The following MYH15 variants were observed in gnomAD, a reference collection of about 807,000 sequenced individuals.
MYH15 encodes the protein myosin heavy chain 15.
MYH15 carries 227 observed loss-of-function variants against 240.5 expected under a neutral mutation model. The observed-to-expected ratio is 0.94, with a 90% CI of 0.85 to 1.05. MYH15 has a LOEUF of 1.05. Among genes scored for constraint, MYH15 ranks in the 50% least tolerant of loss-of-function variants. The pLI, the probability that MYH15 is intolerant of heterozygous loss-of-function variation, is 0.00. For missense variants in MYH15, 2,217 were observed against 2,247.5 expected (o/e 0.99, Z 0.27); for synonymous variants, 785 against 796.7 (o/e 0.99, Z 0.25).
At chr3:108,474,375 A>G (rs996795825) in intron 12 of MYH15, among the ~76,000 whole-genome samples, 5 of 151,870 alleles carry the variant, frequency 3.3e-5, no homozygotes, top group Admixed American at 6.6e-5. Flanking sequence ...AGTCCTTACT[A>G]TAATATTGTG....
At chr3:108,515,131 G>A (rs1169672533), upstream of MYH15, among the ~76,000 whole-genome samples, 1 of 152,140 alleles carries the variant, frequency 6.6e-6, no homozygotes, top group Non-Finnish European at 1.5e-5. Context: ...TGACACTGGT[G>A]TCCTGGCCCA....
In MYH15 at chr3:108,410,893, G is replaced by A. The variant is rs756339441; in HGVS notation, c.4185C>T (p.Ala1395=). The A allele has an allele frequency of 1.2e-6, 2 of 1,606,918 alleles. No homozygotes were observed. Among genetic ancestry groups the A allele is most frequent in the Non-Finnish European group, 8.5e-7 (1 of 1,174,212 alleles). The change falls in exon 31 of 41, where the codon GCC becomes GCT. Residue 1395 remains alanine, a synonymous_variant. Transcript: ENST00000693548. ...LAIRLQEAAE[A]MGVANARNAS... is the part of the protein sequence containing the mutation. Reference sequence around the variant, plus strand: ...CATTTCTGGCATTGGCCACCCCCATGGCTTCGGCTGCCTCCTGCAATCTAA... The same window carrying A: ...CATTTCTGGCATTGGCCACCCCCATAGCTTCGGCTGCCTCCTGCAATCTAA...
In MYH15 at chr3:108,399,087, C is replaced by A. The variant is rs1418321575; in HGVS notation, c.4917G>T (p.Gln1639His). 6.2e-7 allele frequency: 1 copy of A among 1,613,394 alleles called. No individual in the cohort carries two copies. The highest frequency in any genetic ancestry group is 8.5e-7 in the Non-Finnish European group (1 of 1,179,620). ...SEATKSLGQL[Q>H]IQIKDLQMQL... ...AGTTTTAAAATACCTTGATTTGAATCTGAAGCTGGCCCAGGGATTTGGTTG... is the reference window on the plus strand; with the variant it reads ...AGTTTTAAAATACCTTGATTTGAATATGAAGCTGGCCCAGGGATTTGGTTG... The change falls in exon 34 of 41, where the codon CAG becomes CAT. Residue 1639 changes from glutamine to histidine, a missense_variant. By Grantham distance (24) the Gln-to-His change is conservative. Transcript: ENST00000693548.
In MYH15 at chr3:108,460,343, C is replaced by G. The variant is rs767277272; in HGVS notation, c.1889G>C (p.Arg630Pro). 6.3e-7 allele frequency: 1 copy of G among 1,598,114 alleles called. No individual in the cohort carries two copies. The highest frequency in any genetic ancestry group is 1.4e-5 in the African/African-American group (1 of 73,596). ...DSAIPFGEKK[R>P]KKGASFQTVA... Reference sequence around the variant, plus strand: ...CGTTTGGAATGAAGCTCCTTTCTTTCGTTTCTTCTCCCCAAATGGTATAGC... The same window carrying G: ...CGTTTGGAATGAAGCTCCTTTCTTTGGTTTCTTCTCCCCAAATGGTATAGC... The change falls in exon 17 of 41, where the codon CGA (arginine) becomes CCA (proline). Residue 630 changes from arginine to proline, a missense_variant. By Grantham distance (103) the Arg-to-Pro change is moderately radical. Coordinates refer to ENST00000693548, the MANE Select transcript of MYH15 (RefSeq NM_014981.3).
chr3:108,435,701 T>TATATGTATGTATATTTTATATAC (rs1560361417), intron 25 of MYH15, among the ~76,000 whole-genome samples: 4 of 149,446 alleles, frequency 2.7e-5, no homozygotes, highest in African/African-American at 9.8e-5. Flanking sequence ...TACATATATA[T>TATATGTATGTATATTTTATATAC]ATATATATAT....
At position 108,390,415 on chromosome 3, in the gene MYH15, C is replaced by A. The variant is rs529513347; in HGVS notation, c.5431-1341G>T. Among the ~76,000 whole-genome samples the A allele has an allele frequency of 3.9e-5, 6 of 152,254 alleles. 1 individual carries two copies. Among genetic ancestry groups the A allele is most frequent in the African/African-American group, 1.2e-4 (5 of 41,554 alleles). On this transcript the variant is annotated intron_variant, in intron 37 of 40. Transcript: ENST00000693548. ...AACAAACAGCAATTGGAAATAAAAC[C>A]TGGCAATCTTAAAACTGAGTTGGAA... is the stretch of plus-strand genomic sequence containing the variant.
In MYH15 at chr3:108,506,173, C is replaced by G. The variant is rs2083474321; in HGVS notation, c.89-344G>C. ...GGTTGCCCTGGTGCTTGCACCCCTTCCAGATTCCCTCCCCCGAGAAAACTC... is the reference window on the plus strand; with the variant it reads ...GGTTGCCCTGGTGCTTGCACCCCTTGCAGATTCCCTCCCCCGAGAAAACTC... On this transcript the variant is annotated intron_variant, in intron 1 of 40. Transcript: ENST00000693548. 2.0e-5 allele frequency among the ~76,000 whole-genome samples: 3 copies of G among 152,208 alleles called. No homozygotes were observed. In the South Asian group the frequency reaches 6.3e-4, roughly 32 times the overall value.
In MYH15 at chr3:108,489,448, G is replaced by GTT. The variant is rs765552775; in HGVS notation, c.872-2923_872-2922insAA. Among the ~76,000 whole-genome samples, 3 of 152,300 alleles carry GTT rather than the reference G, an allele frequency of 2.0e-5. No individual in the cohort carries two copies. The South Asian group carries it at 6.2e-4, about 32-fold the overall frequency. ...GTAGGACCAAGCTATACAGACGGCAGTAAGAACTAAGGATTTTGAATGAGC... is the reference window on the plus strand; with the variant it reads ...GTAGGACCAAGCTATACAGACGGCAGTTTAAGAACTAAGGATTTTGAATGAGC... On this transcript the variant is annotated intron_variant, in intron 9 of 40. Coordinates refer to ENST00000693548, the MANE Select transcript of MYH15 (RefSeq NM_014981.3).
At chr3:108,472,396 A>C (rs1429401016) in intron 12 of MYH15, among the ~76,000 whole-genome samples, 1 of 152,204 alleles carries the variant, frequency 6.6e-6, no homozygotes, top group Non-Finnish European at 1.5e-5. Flanking sequence ...AGCAGGAGCC[A>C]GTTGGTGTCT....
chr3:108,541,373 A>T, the MYH15 span, among the ~76,000 whole-genome samples: 281 of 152,102 alleles, frequency 1.8e-3, no homozygotes, highest in Non-Finnish European at 3.3e-3. Context: ...ACAAAGTCAA[A>T]TGACAGCTAA....
intron 28 of MYH15, among the ~76,000 whole-genome samples, chr3:108,420,044 C>G (rs975163842): frequency 1.3e-5 from 2 of 151,086 alleles, no homozygotes; most frequent in African/African-American, 4.9e-5. Flanking sequence ...TATAAATGAC[C>G]GAGTATGCAA....
At position 108,486,354 on chromosome 3, in the gene MYH15, C is replaced by T. The variant is rs1022228096; in HGVS notation, c.975+69G>A. ...CTTCTCTGGGTCCCTAAGAACAGAA[C>T]TCTAAGATTCTGTCTTTCATTTCTC... On this transcript the variant is annotated intron_variant, in intron 10 of 40. Coordinates refer to ENST00000693548, the MANE Select transcript of MYH15 (RefSeq NM_014981.3). 1.7e-4 allele frequency: 220 copies of T among 1,319,124 alleles called. 1 individual carries two copies. The Middle Eastern group carries it at 2.6e-3, about 15-fold the overall frequency. The allele number at this position is 1,319,124 out of a possible 1,614,324, so 81.7% of individuals were successfully genotyped here. A position where few individuals can be genotyped will look rare whatever the true frequency, so the allele number is the denominator to read the frequency against.
At chr3:108,396,564 C>G (rs547489558) in intron 35 of MYH15, among the ~76,000 whole-genome samples, 2 of 152,158 alleles carry the variant, frequency 1.3e-5, no homozygotes, top group East Asian at 3.9e-4. Context: ...AGGCCCCAGA[C>G]CTGTACTGGT....
chr3:108,405,809 T>C (rs550970459), intron 32 of MYH15, among the ~76,000 whole-genome samples: 1 of 152,314 alleles, frequency 6.6e-6, no homozygotes, highest in East Asian at 1.9e-4. Flanking sequence ...TTAAAAAGTA[T>C]CAGAGCTAGA....
chr3:108,468,071 T>C lies in MYH15; in HGVS notation c.1554+1971A>G, dbSNP rs2083136601. 2.0e-5 allele frequency among the ~76,000 whole-genome samples: 3 copies of C among 152,128 alleles called. No homozygotes were observed. The South Asian group carries it at 6.2e-4, about 31-fold the overall frequency. On this transcript the variant is annotated intron_variant, in intron 14 of 40. Transcript: ENST00000693548. ...ACCTCCACCTCCCAGGTTCTAGCTATTCTCCTGCCTCAGCCTCCCTAGTAG... is the reference window on the plus strand; with the variant it reads ...ACCTCCACCTCCCAGGTTCTAGCTACTCTCCTGCCTCAGCCTCCCTAGTAG...
intron 1 of MYH15, among the ~76,000 whole-genome samples, chr3:108,520,200 C>T (rs2083606989): frequency 6.6e-6 from 1 of 152,078 alleles, no homozygotes; most frequent in African/African-American, 2.4e-5. Flanking sequence ...AAAGATTATA[C>T]CGAAAGTAAA....
At chr3:108,470,947 T>C in intron 12 of MYH15, 100 bp from the exon 13 acceptor site, 1 of 1,195,520 alleles carries the variant, frequency 8.4e-7, no homozygotes, top group Middle Eastern at 2.1e-4. Flanking sequence ...AATTAGGATG[T>C]CTTTATTGAC....
At chr3:108,404,637 A>G (rs2082532757) in intron 33 of MYH15, among the ~76,000 whole-genome samples, 1 of 152,178 alleles carries the variant, frequency 6.6e-6, no homozygotes, top group African/African-American at 2.4e-5. Context: ...CAAAGCTAAG[A>G]AAACATTCTG....
At chr3:108,513,450 T>C (rs569691119), upstream of MYH15, among the ~76,000 whole-genome samples, 2 of 152,136 alleles carry the variant, frequency 1.3e-5, no homozygotes, top group African/African-American at 2.4e-5. Context: ...ATGCTGGGAG[T>C]ACCTCACTTC....
Sources: allele counts gnomAD v4.1 joint callset (sites outside exome capture counted in the v4.1 genomes callset), GRCh38; gene constraint gnomAD v4.1.1; transcripts MANE v1.5; gene names NCBI Gene and HGNC (gene_info 2026-07-23, HGNC 2026-07-21).